PTGER3: variants seen among roughly 807,000 people sequenced by gnomAD.
PTGER3 encodes prostaglandin E receptor 3.
PTGER3 carries 22 observed loss-of-function variants against 34.7 expected under a neutral mutation model. The ratio of observed to expected loss-of-function variants is 0.63; its 90% CI spans 0.45 to 0.91. PTGER3 has a LOEUF of 0.91. Among genes scored for constraint, PTGER3 ranks in the 40% least tolerant of loss-of-function variants. The pLI is 0.00. For missense variants in PTGER3, 468 were observed against 519.4 expected (o/e 0.90, Z 0.96); for synonymous variants, 241 against 230.1 (o/e 1.05, Z -0.43).
At chr1:70,943,984 T>C (rs1328806847) in intron 4 of PTGER3, among the ~76,000 whole-genome samples, 1 of 152,076 alleles carries the variant, frequency 6.6e-6, no homozygotes, top group Non-Finnish European at 1.5e-5. Flanking sequence ...TTTCATTTGG[T>C]TTAATCTGGA....
intron 4 of PTGER3, among the ~76,000 whole-genome samples, chr1:70,931,784 T>C (rs2100500287): frequency 6.6e-6 from 1 of 152,266 alleles, no homozygotes; most frequent in East Asian, 1.9e-4. Flanking sequence ...CCTCCTAGGC[T>C]TCCTGGTCTG....
At chr1:71,013,285 G>A (rs556193549) in intron 1 of PTGER3, among the ~76,000 whole-genome samples, 1 of 151,980 alleles carries the variant, frequency 6.6e-6, no homozygotes, top group Non-Finnish European at 1.5e-5. Flanking sequence ...CAGTATATGA[G>A]TTATATGTAT....
At chr1:70,872,186 G>C (rs939938029) in intron 4 of PTGER3, among the ~76,000 whole-genome samples, 1 of 152,130 alleles carries the variant, frequency 6.6e-6, no homozygotes, top group Admixed American at 6.5e-5. Context: ...GATCTGAATG[G>C]GCACGGGCCT....
intron 4 of PTGER3, among the ~76,000 whole-genome samples, chr1:70,912,305 G>A (rs1647077974): frequency 6.6e-6 from 1 of 151,776 alleles, no homozygotes; most frequent in African/African-American, 2.4e-5. Flanking sequence ...AATAGAGAAT[G>A]TTTCTGGTCT....
At chr1:71,031,427 A>C (rs967111605) in intron 1 of PTGER3, among the ~76,000 whole-genome samples, 5 of 152,128 alleles carry the variant, frequency 3.3e-5, no homozygotes, top group Admixed American at 3.3e-4. Flanking sequence ...GTTTCTCTGT[A>C]TTCTGGGTGG....
intron 2 of PTGER3, among the ~76,000 whole-genome samples, chr1:70,979,590 C>A (rs1242238099): frequency 2.0e-5 from 3 of 152,056 alleles, no homozygotes; most frequent in African/African-American, 7.2e-5. Context: ...ACACTAACAA[C>A]AAAAATAAAC....
At chr1:70,937,235 T>C (rs543240841) in intron 4 of PTGER3, among the ~76,000 whole-genome samples, 1 of 152,310 alleles carries the variant, frequency 6.6e-6, no homozygotes, top group Admixed American at 6.5e-5. Flanking sequence ...AGTTGAAAAT[T>C]TGGGATGAAA....
At chr1:70,980,676 A>G (rs1328840114) in intron 2 of PTGER3, among the ~76,000 whole-genome samples, 1 of 152,162 alleles carries the variant, frequency 6.6e-6, no homozygotes, top group Non-Finnish European at 1.5e-5. Flanking sequence ...TAAAACACTT[A>G]GAACAGAATC....
intron 2 of PTGER3, among the ~76,000 whole-genome samples, chr1:70,977,319 C>A (rs1013073847): frequency 1.3e-5 from 2 of 152,060 alleles, no homozygotes; most frequent in African/African-American, 4.8e-5. Context: ...GCTGAGGATG[C>A]CTGATGCCTG....
chr1:70,914,443 A>T (rs1040948627), intron 4 of PTGER3, among the ~76,000 whole-genome samples: 1 of 151,924 alleles, frequency 6.6e-6, no homozygotes, highest in Admixed American at 6.6e-5. Context: ...ACATCATCAT[A>T]ACTATTTTCA....
chr1:70,871,159 T>A (rs1646154606), intron 4 of PTGER3, among the ~76,000 whole-genome samples: 2 of 152,178 alleles, frequency 1.3e-5, no homozygotes, highest in Non-Finnish European at 2.9e-5. Flanking sequence ...GGTTCTGGCA[T>A]CTGTTTGGCT....
At chr1:70,908,851 A>G (rs185547397) in intron 4 of PTGER3, among the ~76,000 whole-genome samples, 3 of 152,340 alleles carry the variant, frequency 2.0e-5, no homozygotes, top group Admixed American at 2.0e-4. Context: ...TTCATGTCAT[A>G]TCTCCCTTAA....
chr1:70,962,722 C>A lies in PTGER3; in HGVS notation c.1078-8933G>T, dbSNP rs184281259. On this transcript the variant is annotated intron_variant, in intron 2 of 3. Coordinates refer to the PTGER3 transcript ENST00000356595. ...TCAATTACCTCCCCTCAGGTCCCTC[C>A]CACAACATGTGGGAATTCTGGGAGC... 2.0e-5 allele frequency among the ~76,000 whole-genome samples: 3 copies of A among 152,290 alleles called. No individual in the cohort carries two copies. In the East Asian group the frequency reaches 5.8e-4, roughly 29 times the overall value.
intron 4 of PTGER3, among the ~76,000 whole-genome samples, chr1:70,920,952 A>G (rs1647462811): frequency 6.6e-6 from 1 of 152,210 alleles, no homozygotes; most frequent in Non-Finnish European, 1.5e-5. Flanking sequence ...TAAACTAATT[A>G]CAGACAAGAC....
chr1:70,869,387 C>T (rs545465119), intron 4 of PTGER3: 1 of 417,676 alleles, frequency 2.4e-6, no homozygotes, highest in Non-Finnish European at 4.8e-6. Context: ...TATCATTCCA[C>T]CCCTCTTCTC....
chr1:71,020,596 A>C lies in PTGER3; in HGVS notation c.898-8112T>G, dbSNP rs986203811. ...AGTCAAAATTCCTCTTCAAAAAAAAACTCCAAGGGGCAAATGGAGGAAAGA... is the reference window on the plus strand; with the variant it reads ...AGTCAAAATTCCTCTTCAAAAAAAACCTCCAAGGGGCAAATGGAGGAAAGA... On this transcript the variant is annotated intron_variant, in intron 1 of 3. Coordinates refer to ENST00000306666, the MANE Select transcript of PTGER3 (RefSeq NM_198719.2). Among the ~76,000 whole-genome samples, 3 of 152,016 alleles carry C rather than the reference A, an allele frequency of 2.0e-5. No homozygotes were observed. In the East Asian group the frequency reaches 5.8e-4, roughly 29 times the overall value.
intron 4 of PTGER3, among the ~76,000 whole-genome samples, chr1:70,913,343 A>G (rs1406244347): frequency 1.3e-5 from 2 of 151,998 alleles, no homozygotes; most frequent in African/African-American, 4.8e-5. Context: ...AATTTTAACC[A>G]TGTATTCTAC....
At chr1:70,942,912 G>A (rs1322772028) in intron 4 of PTGER3, among the ~76,000 whole-genome samples, 2 of 152,084 alleles carry the variant, frequency 1.3e-5, no homozygotes, top group Non-Finnish European at 2.9e-5. Context: ...CTGCCAACAT[G>A]TTGATTTTAG....
chr1:70,934,021 A>G (rs558105235), intron 4 of PTGER3, among the ~76,000 whole-genome samples: 4 of 152,244 alleles, frequency 2.6e-5, no homozygotes, highest in African/African-American at 7.2e-5. Context: ...TGAGAATAAA[A>G]TCTTCAAATA....
Sources: allele counts gnomAD v4.1 joint callset (sites outside exome capture counted in the v4.1 genomes callset), GRCh38; gene constraint gnomAD v4.1.1; transcripts MANE v1.5; gene names NCBI Gene and HGNC (gene_info 2026-07-23, HGNC 2026-07-21).